The following SCHIP1 variants were observed in gnomAD, a reference collection of about 807,000 sequenced individuals.
SCHIP1 encodes the protein schwannomin interacting protein 1, also known as schwannomin-interacting protein 1.
A neutral mutation model predicts 29.7 loss-of-function variants in SCHIP1; 8 were observed. That is an observed-to-expected ratio of 0.27 (90% confidence interval 0.16 to 0.49). The LOEUF (loss-of-function observed/expected upper bound fraction) is 0.49, where lower values mean the gene tolerates loss of function less well. Among genes scored for constraint, SCHIP1 ranks in the 20% least tolerant of loss-of-function variants. SCHIP1 has a pLI of 0.99. For synonymous variants in SCHIP1, 76 were observed against 94.9 expected, an observed-to-expected ratio of 0.80 and a Z score of 1.16; for missense variants, 193 against 294.6, an observed-to-expected ratio of 0.66 and a Z score of 2.52.
chr3:159,795,733 G>A, the SCHIP1 span, among the ~76,000 whole-genome samples: 1 of 152,178 alleles, frequency 6.6e-6, no homozygotes, highest in Non-Finnish European at 1.5e-5. Context: ...TTTGCCAGGA[G>A]GATGTGGAAG....
At chr3:159,884,230 G>T (rs79455280) in intron 2 of SCHIP1, among the ~76,000 whole-genome samples, 1 of 151,980 alleles carries the variant, frequency 6.6e-6, no homozygotes, top group Non-Finnish European at 1.5e-5. Flanking sequence ...TATTAAAAGG[G>T]GGTTGATTTT....
At chr3:159,678,939 T>A in the SCHIP1 span, among the ~76,000 whole-genome samples, 1 of 152,214 alleles carries the variant, frequency 6.6e-6, no homozygotes, top group Non-Finnish European at 1.5e-5. Flanking sequence ...TTCAATTATC[T>A]CTACCTGGTC....
At chr3:159,590,282 C>A in the SCHIP1 span, among the ~76,000 whole-genome samples, 225 of 152,230 alleles carry the variant, frequency 1.5e-3, 1 homozygote, top group African/African-American at 5.2e-3. Context: ...ATTAAAGAAC[C>A]AAACCAGTAG....
chr3:159,440,509 G>A, the SCHIP1 span, among the ~76,000 whole-genome samples: 3 of 152,184 alleles, frequency 2.0e-5, no homozygotes, highest in Non-Finnish European at 2.9e-5. Context: ...GACAAGAAAT[G>A]AAGATGTGAT....
At chr3:159,521,609 T>A in the SCHIP1 span, among the ~76,000 whole-genome samples, 8 of 152,332 alleles carry the variant, frequency 5.3e-5, no homozygotes, top group South Asian at 1.7e-3. Context: ...GCATTTGAGT[T>A]CGACAGTTTG....
At chr3:159,749,727 T>C in the SCHIP1 span, among the ~76,000 whole-genome samples, 1 of 152,196 alleles carries the variant, frequency 6.6e-6, no homozygotes. Flanking sequence ...GCAAACTTAA[T>C]TTTGAAGGTT....
At chr3:159,430,037 A>G in the SCHIP1 span, among the ~76,000 whole-genome samples, 2 of 152,166 alleles carry the variant, frequency 1.3e-5, no homozygotes, top group African/African-American at 4.8e-5. Flanking sequence ...AGTTCCCCCC[A>G]TTCCACTACA....
the SCHIP1 span, among the ~76,000 whole-genome samples, chr3:159,402,790 G>A: frequency 1.2e-3 from 190 of 152,200 alleles, no homozygotes; most frequent in Non-Finnish European, 2.1e-3. Flanking sequence ...GTTGGGTGGG[G>A]GGAGCAGGGA....
At chr3:159,756,543 A>G in the SCHIP1 span, among the ~76,000 whole-genome samples, 7 of 152,170 alleles carry the variant, frequency 4.6e-5, no homozygotes, top group Non-Finnish European at 5.9e-5. Flanking sequence ...AAGACCTATG[A>G]CATGCCCTAG....
At chr3:159,472,701 A>G in the SCHIP1 span, among the ~76,000 whole-genome samples, 1 of 152,208 alleles carries the variant, frequency 6.6e-6, no homozygotes, top group Admixed American at 6.6e-5. Context: ...AGGAATCACA[A>G]CTACCCATCT....
chr3:159,859,034 A>G (rs1713732401), intron 1 of SCHIP1, among the ~76,000 whole-genome samples: 1 of 152,242 alleles, frequency 6.6e-6, no homozygotes, highest in Non-Finnish European at 1.5e-5. Context: ...GTCCTGACTT[A>G]CTATCCGTTC....
chr3:159,832,381 T>G, the SCHIP1 span, among the ~76,000 whole-genome samples: 13 of 152,216 alleles, frequency 8.5e-5, no homozygotes, highest in South Asian at 2.5e-3. Flanking sequence ...CATCAGTTTC[T>G]CCCTTTGCTG....
chr3:159,698,705 C>T, the SCHIP1 span, among the ~76,000 whole-genome samples: 1 of 151,952 alleles, frequency 6.6e-6, no homozygotes, highest in Non-Finnish European at 1.5e-5. Context: ...GTGGCATGGT[C>T]TCGGCTCACT....
the SCHIP1 span, among the ~76,000 whole-genome samples, chr3:159,276,890 G>A: frequency 5.3e-5 from 8 of 152,312 alleles, no homozygotes; most frequent in Middle Eastern, 3.4e-3. Context: ...CAGGCAGCCA[G>A]TCCTAGGGAC....
chr3:159,621,637 G>A, the SCHIP1 span, among the ~76,000 whole-genome samples: 1 of 151,438 alleles, frequency 6.6e-6, no homozygotes, highest in Non-Finnish European at 1.5e-5. Flanking sequence ...GTGCATGTGT[G>A]TGTGGTTTTT....
chr3:159,793,165 G>T, the SCHIP1 span, among the ~76,000 whole-genome samples: 1 of 152,118 alleles, frequency 6.6e-6, no homozygotes, highest in African/African-American at 2.4e-5. Context: ...TCAGACCCAA[G>T]AAATCGCATC....
At chr3:159,413,195 G>C in the SCHIP1 span, among the ~76,000 whole-genome samples, 9 of 152,136 alleles carry the variant, frequency 5.9e-5, no homozygotes. Flanking sequence ...TTCTGCCCTT[G>C]ATACATGTGG....
chr3:159,478,811 G>A, the SCHIP1 span, among the ~76,000 whole-genome samples: 7 of 152,060 alleles, frequency 4.6e-5, no homozygotes, highest in Non-Finnish European at 1.0e-4. Context: ...GTATTTTGTT[G>A]TTGTTCCTAT....
At chr3:159,306,316 T>A in the SCHIP1 span, among the ~76,000 whole-genome samples, 8 of 152,266 alleles carry the variant, frequency 5.3e-5, no homozygotes, top group Non-Finnish European at 8.8e-5. Flanking sequence ...ATAATGCCTA[T>A]GTTTAATAAC....
Sources: gnomAD v4.1 joint callset for allele counts (sites outside exome capture counted in the v4.1 genomes callset) on GRCh38, gnomAD v4.1.1 for gene constraint, MANE v1.5 for transcripts, NCBI Gene and HGNC (gene_info 2026-07-23, HGNC 2026-07-21) for gene names.